The following FAM135B variants were observed in gnomAD, a reference collection of about 807,000 sequenced individuals.
The protein encoded by FAM135B is family with sequence similarity 135 member B.
FAM135B carries 43 observed loss-of-function variants against 127.7 expected under a neutral mutation model. That is an observed-to-expected ratio of 0.34 (90% CI 0.26 to 0.43). The LOEUF (loss-of-function observed/expected upper bound fraction) is 0.43, where lower values mean the gene tolerates loss of function less well. Among genes scored for constraint, FAM135B ranks in the 20% least tolerant of loss-of-function variants. The pLI is 1.00. For missense variants in FAM135B, 1,558 were observed against 1,725.6 expected (o/e 0.90, Z 1.72); for synonymous variants, 670 against 665.1 (o/e 1.01, Z -0.11).
intron 1 of FAM135B, among the ~76,000 whole-genome samples, chr8:138,474,299 G>A (rs115296162): frequency 5.7e-4 from 86 of 152,204 alleles, no homozygotes; most frequent in African/African-American, 2.0e-3. Context: ...GGCCATTAAC[G>A]GTGGAACCTA....
At chr8:138,413,453 T>C (rs1833971198) in intron 1 of FAM135B, among the ~76,000 whole-genome samples, 1 of 152,216 alleles carries the variant, frequency 6.6e-6, no homozygotes, top group South Asian at 2.1e-4. Context: ...AACCTCCCTT[T>C]GGACGAAGTG....
intron 3 of FAM135B, among the ~76,000 whole-genome samples, chr8:138,267,231 T>C (rs1484189481): frequency 6.6e-6 from 1 of 152,094 alleles, no homozygotes; most frequent in Non-Finnish European, 1.5e-5. Context: ...CATGCAAGGA[T>C]ACAATGAGAG....
intron 11 of FAM135B, among the ~76,000 whole-genome samples, chr8:138,174,571 T>C (rs1814254955): frequency 6.6e-6 from 1 of 152,212 alleles, no homozygotes; most frequent in African/African-American, 2.4e-5. Flanking sequence ...GGCAAAAAGT[T>C]TACTTTCTCC....
intron 1 of FAM135B, among the ~76,000 whole-genome samples, chr8:138,384,547 T>C (rs1354151272): frequency 6.6e-6 from 1 of 152,034 alleles, no homozygotes; most frequent in East Asian, 1.9e-4. Flanking sequence ...CAGGCTGTGA[T>C]GGGGCAAGAC....
intron 7 of FAM135B, among the ~76,000 whole-genome samples, chr8:138,222,676 GTGTTT>G (rs1464290607): frequency 6.1e-5 from 7 of 115,666 alleles, no homozygotes; most frequent in East Asian, 8.5e-4. Context: ...TTTGTTGGTG[GTGTTT>G]TTTTTTTTTT....
At chr8:138,429,820 T>A (rs1476060993) in intron 1 of FAM135B, among the ~76,000 whole-genome samples, 1 of 152,160 alleles carries the variant, frequency 6.6e-6, no homozygotes, top group Non-Finnish European at 1.5e-5. Flanking sequence ...AGAACTATGT[T>A]TTTTTAACAT....
At chr8:138,388,212 T>C (rs1832333132) in intron 1 of FAM135B, among the ~76,000 whole-genome samples, 2 of 152,112 alleles carry the variant, frequency 1.3e-5, no homozygotes, top group Non-Finnish European at 2.9e-5. Context: ...TACATGTCGA[T>C]TAGAAGTGCC....
rs1192624512 is a variant in FAM135B at position 138,256,734 on chromosome 8, T to C, written c.323A>G (p.Asp108Gly). The change falls in exon 5 of 20, where the codon GAT (aspartate) becomes GGT (glycine). Residue 108 changes from aspartate (D) to glycine (G), a missense_variant. Physicochemically the swap from Asp to Gly is moderately conservative, Grantham distance 94 (BLOSUM62 -1). Coordinates refer to ENST00000395297, the MANE Select transcript of FAM135B (RefSeq NM_015912.4). ...ERMEDALSEV[D>G]FQLKVDLHFT... Reference sequence around the variant, plus strand: ...GTGCAGATCCACCTTGAGTTGAAAATCTACTTCACTCAGTGCGTCTTCCAT... The same window carrying C: ...GTGCAGATCCACCTTGAGTTGAAAACCTACTTCACTCAGTGCGTCTTCCAT... 6.2e-7 allele frequency: 1 copy of C among 1,613,946 alleles called. No individual in the cohort carries two copies.
chr8:138,178,779 G>A (rs1462264670), intron 9 of FAM135B, 89 bp from the exon 10 acceptor site: 6 of 1,161,722 alleles, frequency 5.2e-6, no homozygotes, highest in African/African-American at 4.6e-5. Context: ...TGACTTTTCT[G>A]TTTTCAATAA....
At chr8:138,175,016 G>C in intron 11 of FAM135B, among the ~76,000 whole-genome samples, 1 of 152,140 alleles carries the variant, frequency 6.6e-6, no homozygotes, top group East Asian at 1.9e-4. Flanking sequence ...ATTGAATGAA[G>C]GACTCTTCCC....
chr8:138,229,560 G>T (rs1299138579), intron 7 of FAM135B, among the ~76,000 whole-genome samples: 2 of 152,138 alleles, frequency 1.3e-5, no homozygotes, highest in African/African-American at 2.4e-5. Flanking sequence ...TGTGGAAAAG[G>T]CAGCCTTTGT....
At chr8:138,364,702 T>C (rs185051548) in intron 2 of FAM135B, among the ~76,000 whole-genome samples, 35 of 152,320 alleles carry the variant, frequency 2.3e-4, no homozygotes, top group Middle Eastern at 3.4e-3. Context: ...AATATATGTA[T>C]ATTTATTTAT....
chr8:138,394,352 T>G (rs1832749657), intron 1 of FAM135B, among the ~76,000 whole-genome samples: 1 of 152,122 alleles, frequency 6.6e-6, no homozygotes, highest in African/African-American at 2.4e-5. Context: ...TACCACATCA[T>G]CTCCTTCAAT....
intron 2 of FAM135B, among the ~76,000 whole-genome samples, chr8:138,334,127 T>C (rs2131010607): frequency 6.6e-6 from 1 of 152,292 alleles, no homozygotes; most frequent in Non-Finnish European, 1.5e-5. Flanking sequence ...TTTGCCATGT[T>C]TGCCAGGCTG....
rs570147540 is a variant in FAM135B at position 138,181,490 on chromosome 8, C to T, written c.874-2800G>A. 5.9e-4 allele frequency among the ~76,000 whole-genome samples: 90 copies of T among 152,238 alleles called. 3 individuals are homozygous for T. The South Asian group carries it at 0.017, about 28-fold the overall frequency. On this transcript the variant is annotated intron_variant, in intron 9 of 19. Coordinates refer to ENST00000395297, the MANE Select transcript of FAM135B (RefSeq NM_015912.4). ...TTCCCATCCTGGCCCAGTGCACTCC[C>T]GTTCCCAGCCATACCAACCTGCTGG...
At chr8:138,403,606 G>C (rs1038394366) in intron 1 of FAM135B, among the ~76,000 whole-genome samples, 16 of 152,214 alleles carry the variant, frequency 1.1e-4, no homozygotes, top group Non-Finnish European at 1.3e-4. Context: ...AACTGAGCTA[G>C]AGAAGGTTGA....
chr8:138,150,247 G>A (rs1818012305), intron 13 of FAM135B, among the ~76,000 whole-genome samples: 1 of 152,190 alleles, frequency 6.6e-6, no homozygotes, highest in Non-Finnish European at 1.5e-5. Context: ...AATGTTAAAG[G>A]GTGCTTGGGA....
intron 1 of FAM135B, among the ~76,000 whole-genome samples, chr8:138,432,234 G>A (rs1587439929): frequency 6.6e-6 from 1 of 152,184 alleles, no homozygotes; most frequent in Non-Finnish European, 1.5e-5. Flanking sequence ...TATAAAACGT[G>A]TTCAGAGAAG....
At chr8:138,246,145 A>G (rs1821263909) in intron 6 of FAM135B, among the ~76,000 whole-genome samples, 2 of 152,324 alleles carry the variant, frequency 1.3e-5, no homozygotes, top group South Asian at 4.1e-4. Flanking sequence ...AAAAGTTTGG[A>G]AAATTTGCAG....
Sources: allele counts gnomAD v4.1 joint callset (sites outside exome capture counted in the v4.1 genomes callset), GRCh38; gene constraint gnomAD v4.1.1; transcripts MANE v1.5; gene names NCBI Gene and HGNC (gene_info 2026-07-23, HGNC 2026-07-21).